QKI: variants seen among roughly 807,000 people sequenced by gnomAD.
The protein encoded by QKI is QKI, KH domain containing RNA binding, also known as KH domain-containing RNA-binding protein QKI.
In QKI, 10 loss-of-function variants were observed where a neutral mutation model predicts 39.0. The observed-to-expected ratio is 0.26, with a 90% CI of 0.16 to 0.43. The LOEUF is 0.43. Among genes scored for constraint, QKI ranks in the 20% least tolerant of loss-of-function variants. QKI has a pLI of 1.00. For missense variants in QKI, 218 were observed against 428.0 expected, an observed-to-expected ratio of 0.51 and a Z score of 4.33; for synonymous variants, 204 against 155.4, an observed-to-expected ratio of 1.31 and a Z score of -2.33.
chr6:163,565,863 G>A, intron 6 of QKI: 6 of 1,578,712 alleles, frequency 3.8e-6, no homozygotes, highest in Non-Finnish European at 5.2e-6. Flanking sequence ...GCAGACATGT[G>A]TGTTGGTAGT....
intron 2 of QKI, among the ~76,000 whole-genome samples, chr6:163,475,497 T>A (rs1283267370): frequency 6.6e-6 from 1 of 152,168 alleles, no homozygotes; most frequent in East Asian, 1.9e-4. Context: ...TATAAGGGAC[T>A]TGAGCATCTG....
intron 1 of QKI, among the ~76,000 whole-genome samples, chr6:163,451,958 A>G (rs1790596320): frequency 5.3e-5 from 8 of 152,196 alleles, no homozygotes; most frequent in Admixed American, 5.2e-4. Context: ...TCTGATTGCC[A>G]CGACTTACAA....
At chr6:163,493,777 T>C (rs1451062642) in intron 3 of QKI, among the ~76,000 whole-genome samples, 1 of 152,208 alleles carries the variant, frequency 6.6e-6, no homozygotes, top group African/African-American at 2.4e-5. Flanking sequence ...TGTTTGAAAT[T>C]GTAAGCTCCC....
chr6:163,420,728 A>G (rs1787930599), intron 1 of QKI, among the ~76,000 whole-genome samples: 1 of 152,190 alleles, frequency 6.6e-6, no homozygotes, highest in Admixed American at 6.5e-5. Context: ...TGGGCCCACA[A>G]TAGCTAGATT....
intron 3 of QKI, among the ~76,000 whole-genome samples, chr6:163,493,786 C>T (rs2128229172): frequency 6.6e-6 from 1 of 152,142 alleles, no homozygotes; most frequent in East Asian, 1.9e-4. Context: ...TTGTAAGCTC[C>T]CTCAGAAAAT....
intron 2 of QKI, among the ~76,000 whole-genome samples, chr6:163,468,306 G>T (rs2128222551): frequency 6.6e-6 from 1 of 152,186 alleles, no homozygotes; most frequent in Non-Finnish European, 1.5e-5. Context: ...CCAAAAAAGT[G>T]CATTTTTTAA....
In QKI at chr6:163,567,878, G is replaced by A. The variant is rs1209905253; in HGVS notation, c.1009+1083G>A. ...TTTATGAAGGACCTACCTGCTTTAT[G>A]TGATTACCTTGAGTACTGATGATAA... On this transcript the variant is annotated intron_variant, in intron 7 of 7. Coordinates refer to ENST00000361752, the MANE Select transcript of QKI (RefSeq NM_006775.3). 14 of 985,568 alleles carry A rather than the reference G, an allele frequency of 1.4e-5. No individual in the cohort carries two copies. The South Asian group carries it at 6.1e-4, about 43-fold the overall frequency. The allele number at this position is 985,568 out of a possible 1,614,324, so 61.1% of individuals were successfully genotyped here.
rs765343005 is a variant in QKI at position 163,573,676 on chromosome 6, T to C, written c.*2966T>C. ...GGCTTTTAGTTAGCTAATGAATGAATACATTAGACACTTTTGGGTTTTAGT... is the reference window on the plus strand; with the variant it reads ...GGCTTTTAGTTAGCTAATGAATGAACACATTAGACACTTTTGGGTTTTAGT... On this transcript the variant is annotated 3_prime_UTR_variant, in exon 8 of 8. Transcript: ENST00000361752. 5 of 152,208 alleles carry C rather than the reference T, an allele frequency of 3.3e-5. No individual in the cohort carries two copies. The highest frequency in any genetic ancestry group is 7.3e-5 in the Non-Finnish European group (5 of 68,028). The allele number at this position is 152,208 out of a possible 1,614,324, so 9.4% of individuals were successfully genotyped here. A position where few individuals can be genotyped will look rare whatever the true frequency, so the allele number is the denominator to read the frequency against.
chr6:163,448,421 A>G (rs570317754), intron 1 of QKI, among the ~76,000 whole-genome samples: 1 of 150,384 alleles, frequency 6.6e-6, no homozygotes, highest in South Asian at 2.1e-4. Flanking sequence ...AAGCAAACAT[A>G]TTTCACTTAA....
Position 163,573,728 on chromosome 6 carries a change from A to T in QKI, c.*3018A>T, listed in dbSNP as rs891128983. On this transcript the variant is annotated 3_prime_UTR_variant, in exon 8 of 8. Transcript: ENST00000361752. ...GGGATTTTACATAGCTTGCATTTTA[A>T]TTCTTTGGTTCTTTGCTGTTTCTAT... is the stretch of plus-strand genomic sequence containing the variant. 6.6e-6 allele frequency: 1 copy of T among 152,170 alleles called. No individual in the cohort carries two copies. The highest frequency in any genetic ancestry group is 1.5e-5 in the Non-Finnish European group (1 of 68,012). 9.4% of individuals were successfully genotyped at this position (152,170 alleles called of 1,614,324 possible). A position where few individuals can be genotyped will look rare whatever the true frequency, so the allele number is the denominator to read the frequency against.
chr6:163,488,749 A>G (rs9295221), intron 3 of QKI, among the ~76,000 whole-genome samples: 5,983 of 152,258 alleles, frequency 0.039, 127 homozygotes, highest in African/African-American at 0.063. Flanking sequence ...ATATAGATCC[A>G]TGGTTAGGTT....
intron 4 of QKI, among the ~76,000 whole-genome samples, chr6:163,548,982 A>G (rs1326333617): frequency 6.6e-6 from 1 of 152,220 alleles, no homozygotes; most frequent in Non-Finnish European, 1.5e-5. Flanking sequence ...GTATAACTGG[A>G]TGGATAGTGC....
chr6:163,475,141 T>A (rs563285159), intron 2 of QKI, among the ~76,000 whole-genome samples: 2 of 152,252 alleles, frequency 1.3e-5, no homozygotes, highest in African/African-American at 4.8e-5. Flanking sequence ...GTGTACCATA[T>A]AATTTACCAT....
intron 4 of QKI, among the ~76,000 whole-genome samples, chr6:163,548,110 G>C (rs974390102): frequency 6.6e-6 from 1 of 152,122 alleles, no homozygotes; most frequent in Admixed American, 6.6e-5. Flanking sequence ...TTTGTATTCT[G>C]TACTAATATT....
chr6:163,510,107 T>C (rs1204086697), intron 3 of QKI, among the ~76,000 whole-genome samples: 3 of 151,940 alleles, frequency 2.0e-5, no homozygotes, highest in Non-Finnish European at 4.4e-5. Context: ...TGCCAGCTAC[T>C]CAGGAGGCTG....
At chr6:163,475,450 T>A (rs1032828503) in intron 2 of QKI, among the ~76,000 whole-genome samples, 1 of 152,282 alleles carries the variant, frequency 6.6e-6, no homozygotes, top group South Asian at 2.1e-4. Context: ...ATATTGGAGG[T>A]TGTGCATAGG....
At position 163,572,108 on chromosome 6, in the gene QKI, A is replaced by G. The variant is rs934588256; in HGVS notation, c.*1398A>G. ...ATGCCTGACTAGTAAGTTTTAAAACATCATTCTTTAAAAGAATAGTTTAAT... is the reference window on the plus strand; with the variant it reads ...ATGCCTGACTAGTAAGTTTTAAAACGTCATTCTTTAAAAGAATAGTTTAAT... On this transcript the variant is annotated 3_prime_UTR_variant, in exon 8 of 8. Transcript: ENST00000361752. 1 of 152,244 alleles carries G rather than the reference A, an allele frequency of 6.6e-6. No individual in the cohort carries two copies. The highest frequency in any genetic ancestry group is 1.5e-5 in the Non-Finnish European group (1 of 68,040). 9.4% of individuals were successfully genotyped at this position (152,244 alleles called of 1,614,324 possible).
At chr6:163,489,803 A>G (rs1173571294) in intron 3 of QKI, among the ~76,000 whole-genome samples, 1 of 152,194 alleles carries the variant, frequency 6.6e-6, no homozygotes, top group Non-Finnish European at 1.5e-5. Context: ...ATAGTTACAC[A>G]GGAGAGAAGT....
At chr6:163,563,751 T>A in intron 6 of QKI, 32 bp downstream of exon 6, 1 of 1,574,880 alleles carries the variant, frequency 6.3e-7, no homozygotes, top group Non-Finnish European at 8.6e-7. Flanking sequence ...GTTAACAACA[T>A]TCTCTTTATA....
Sources: allele counts gnomAD v4.1 joint callset (sites outside exome capture counted in the v4.1 genomes callset), GRCh38; gene constraint gnomAD v4.1.1; transcripts MANE v1.5; gene names NCBI Gene and HGNC (gene_info 2026-07-23, HGNC 2026-07-21).